Variants in DLG1 observed in about 807,000 individuals in gnomAD.
DLG1 encodes the protein discs large MAGUK scaffold protein 1, also known as disks large homolog 1.
In DLG1, 42 loss-of-function variants were observed where a neutral mutation model predicts 123.4. That is an observed-to-expected ratio of 0.34 (90% CI 0.27 to 0.44). The LOEUF is 0.44. Among genes scored for constraint, DLG1 ranks in the 20% least tolerant of loss-of-function variants. The probability of loss-of-function intolerance (pLI) is 1.00; values close to 1 mark genes in which losing one functional copy is unlikely to be tolerated. For missense variants in DLG1, 942 were observed against 1,082.6 expected (o/e 0.87, Z 1.82); for synonymous variants, 317 against 356.2 (o/e 0.89, Z 1.24).
At chr3:197,157,730 C>G (rs1345947052) in intron 5 of DLG1, among the ~76,000 whole-genome samples, 3 of 151,986 alleles carry the variant, frequency 2.0e-5, no homozygotes, top group Admixed American at 2.0e-4. Context: ...ACCCTGAAAG[C>G]CAAAATGGTA....
At chr3:197,113,718 C>T (rs1423691030) in intron 13 of DLG1, among the ~76,000 whole-genome samples, 2 of 151,846 alleles carry the variant, frequency 1.3e-5, no homozygotes, top group African/African-American at 4.8e-5. Context: ...AAAATCGTAG[C>T]TTTTAAGATT....
chr3:197,213,290 CT>C (rs147611666), intron 4 of DLG1, among the ~76,000 whole-genome samples: 2 of 151,918 alleles, frequency 1.3e-5, no homozygotes, highest in African/African-American at 2.4e-5. Flanking sequence ...TTATTAGGAG[CT>C]TTTTTTTAAA....
chr3:197,158,657 A>AAAAAAG (rs1797498843), intron 5 of DLG1, among the ~76,000 whole-genome samples: 1 of 109,964 alleles, frequency 9.1e-6, no homozygotes, highest in African/African-American at 3.4e-5. Context: ...AAAAAAAAAA[A>AAAAAAG]GCCCAGAGGC....
intron 4 of DLG1, among the ~76,000 whole-genome samples, chr3:197,223,831 CT>C (rs1738391684): frequency 6.6e-6 from 1 of 152,154 alleles, no homozygotes; most frequent in Non-Finnish European, 1.5e-5. Context: ...AATTAATTTA[CT>C]TGTCAGTTTC....
chr3:197,290,732 C>A (rs1284525403), intron 3 of DLG1, among the ~76,000 whole-genome samples: 2 of 151,678 alleles, frequency 1.3e-5, no homozygotes, highest in African/African-American at 2.4e-5. Flanking sequence ...CTGGGCAACA[C>A]CTGTCTCTAG....
At position 197,051,568 on chromosome 3, in the gene DLG1, G is replaced by C. The variant is rs534071489; in HGVS notation, c.2575+9C>G. On this transcript the variant is annotated intron_variant, in intron 24 of 24. Coordinates refer to ENST00000667157, the MANE Select transcript of DLG1 (RefSeq NM_001366207.1). ...ATCTTAAAGAGGACTGTTACAACAC[G>C]GTTCCAACCTGTGAAATGTTCAGTA... 4 of 1,609,190 alleles carry C rather than the reference G, an allele frequency of 2.5e-6. No individual in the cohort carries two copies. The East Asian group carries it at 8.9e-5, about 36-fold the overall frequency.
At chr3:197,100,009 T>C (rs553027043) in intron 14 of DLG1, among the ~76,000 whole-genome samples, 3 of 152,314 alleles carry the variant, frequency 2.0e-5, no homozygotes, top group Non-Finnish European at 4.4e-5. Context: ...CCAGTTTGGT[T>C]GAACAGCACG....
In DLG1 at chr3:197,134,269, G is replaced by GT. The variant is rs1292879704; in HGVS notation, c.1020+2272dup. ...AAAAGTCTCCTTGCAACAATAAACA[G>GT]TACTAAACAGGATGTAGAACAAAGG... is the stretch of plus-strand genomic sequence containing the variant. On this transcript the variant is annotated intron_variant, in intron 10 of 24. Coordinates refer to ENST00000667157, the MANE Select transcript of DLG1 (RefSeq NM_001366207.1). Among the ~76,000 whole-genome samples the GT allele has an allele frequency of 2.0e-5, 3 of 152,162 alleles. No individual in the cohort carries two copies. In the South Asian group the frequency reaches 6.2e-4, roughly 32 times the overall value.
At chr3:197,047,058 C>T (rs893210796) in intron 24 of DLG1, among the ~76,000 whole-genome samples, 2 of 152,092 alleles carry the variant, frequency 1.3e-5, no homozygotes, top group South Asian at 2.1e-4. Context: ...CGTGAGCCTC[C>T]GCTGGATCCT....
At chr3:197,242,884 T>G (rs1365828849) in intron 4 of DLG1, among the ~76,000 whole-genome samples, 1 of 152,080 alleles carries the variant, frequency 6.6e-6, no homozygotes, top group Non-Finnish European at 1.5e-5. Flanking sequence ...CAGGATTGCT[T>G]GAGACCAGGA....
At chr3:197,269,112 A>G (rs1011630581) in intron 4 of DLG1, among the ~76,000 whole-genome samples, 3 of 152,210 alleles carry the variant, frequency 2.0e-5, no homozygotes, top group African/African-American at 4.8e-5. Context: ...AGTGCACTCT[A>G]TAAAATAACT....
intron 4 of DLG1, among the ~76,000 whole-genome samples, chr3:197,280,430 G>GT (rs1246096600): frequency 6.6e-6 from 1 of 152,034 alleles, no homozygotes; most frequent in Non-Finnish European, 1.5e-5. Context: ...CTTGGCCACT[G>GT]TGAATAGTGC....
intron 4 of DLG1, among the ~76,000 whole-genome samples, chr3:197,228,521 GTTTT>G: frequency 6.6e-6 from 1 of 151,780 alleles, no homozygotes. Flanking sequence ...TTTCTTGTCT[GTTTT>G]TTTAGTAAAC....
At chr3:197,212,472 G>A (rs1731772758) in intron 4 of DLG1, among the ~76,000 whole-genome samples, 1 of 152,234 alleles carries the variant, frequency 6.6e-6, no homozygotes, top group South Asian at 2.1e-4. Flanking sequence ...TACAGGCAGA[G>A]TTAGTTTCTT....
intron 5 of DLG1, among the ~76,000 whole-genome samples, chr3:197,178,019 C>CCAGT (rs760356205): frequency 2.6e-5 from 4 of 152,166 alleles, no homozygotes; most frequent in Non-Finnish European, 4.4e-5. Flanking sequence ...AGTGTGCCAG[C>CCAGT]CACTGTCACA....
intron 4 of DLG1, among the ~76,000 whole-genome samples, chr3:197,238,018 A>G (rs954559771): frequency 4.6e-5 from 7 of 152,208 alleles, no homozygotes; most frequent in Non-Finnish European, 1.0e-4. Flanking sequence ...GTTAGTGAAG[A>G]CCACATGGGG....
chr3:197,055,331 T>C (rs1318546235), intron 23 of DLG1, among the ~76,000 whole-genome samples: 1 of 152,226 alleles, frequency 6.6e-6, no homozygotes, highest in Admixed American at 6.5e-5. Flanking sequence ...TCTAACTCTT[T>C]CTCAAGTATA....
intron 5 of DLG1, among the ~76,000 whole-genome samples, chr3:197,178,826 TA>T (rs1350363472): frequency 6.6e-6 from 1 of 151,686 alleles, no homozygotes; most frequent in African/African-American, 2.4e-5. Context: ...CTGGATTTGA[TA>T]ATCTACACTC....
At chr3:197,248,297 T>C (rs403024) in intron 4 of DLG1, among the ~76,000 whole-genome samples, 20,840 of 152,204 alleles carry the variant, frequency 0.14, 1,788 homozygotes, top group South Asian at 0.35. Flanking sequence ...AGTTACTTGG[T>C]TGCTGCGGTA....
Sources: gnomAD v4.1 joint callset for allele counts (sites outside exome capture counted in the v4.1 genomes callset) on GRCh38, gnomAD v4.1.1 for gene constraint, MANE v1.5 for transcripts, NCBI Gene and HGNC (gene_info 2026-07-23, HGNC 2026-07-21) for gene names.